The following FKRP variants were observed in gnomAD, a reference collection of about 807,000 sequenced individuals.
The protein encoded by FKRP is ribitol 5-phosphate transferase FKRP.
FKRP carries 25 observed loss-of-function variants against 30.6 expected under a neutral mutation model. That is an observed-to-expected ratio of 0.82 (90% confidence interval 0.60 to 1.14). The LOEUF is 1.14. FKRP is among the 50% of genes most tolerant of loss of function. The pLI, the probability that FKRP is intolerant of heterozygous loss-of-function variation, is 0.00. For missense variants in FKRP, 771 were observed against 727.8 expected (o/e 1.06, Z -0.68); for synonymous variants, 358 against 342.5 (o/e 1.05, Z -0.50).
intron 3 of FKRP, 121 bp downstream of exon 3, chr19:46,748,786 G>A (rs993087914): frequency 6.6e-6 from 1 of 152,326 alleles, no homozygotes; most frequent in Non-Finnish European, 1.5e-5. Flanking sequence ...GTCTCACCCA[G>A]GCTAGAGTGA....
chr19:46,756,161 CTT>C lies in FKRP; in HGVS notation c.712_713del (p.Leu238AspfsTer20). On this transcript the variant is annotated frameshift_variant, in exon 4 of 4. Transcript: ENST00000318584. LOFTEE classifies it high-confidence loss of function. This position sits in a 1 kb window ranked among gnomAD's most constrained non-coding sequence, Gnocchi z 6.6. ...LRGWAVQLLD[L>X]TFAAARQPPL... is the part of the protein sequence containing the mutation. Reference sequence around the variant, plus strand: ...GCGGCTGGGCGGTGCAGCTGCTGGACTTGACCTTCGCCGCGGCGCGCCAGCCC... The same window carrying C: ...GCGGCTGGGCGGTGCAGCTGCTGGACGACCTTCGCCGCGGCGCGCCAGCCC... 1.4e-6 allele frequency: 2 copies of C among 1,460,896 alleles called. No individual in the cohort carries two copies. Among genetic ancestry groups the C allele is most frequent in the Non-Finnish European group, 1.8e-6 (2 of 1,113,838 alleles). The allele number at this position is 1,460,896 out of a possible 1,614,324, so 90.5% of individuals were successfully genotyped here. A position where few individuals can be genotyped will look rare whatever the true frequency, so the allele number is the denominator to read the frequency against.
intron 2 of FKRP, among the ~76,000 whole-genome samples, chr19:46,748,294 C>T (rs2054710825): frequency 6.6e-6 from 1 of 152,152 alleles, no homozygotes; most frequent in African/African-American, 2.4e-5. Context: ...TCTCCTGCCT[C>T]AGCCTCCCGA....
chr19:46,757,365 A>C lies in FKRP; in HGVS notation c.*427A>C. ...CTGGAGCCAGACTGGCGAGATTCAA[A>C]TCCTGGCTCTATCGCTTCGGAGCCA... On this transcript the variant is annotated 3_prime_UTR_variant, in exon 4 of 4. Coordinates refer to ENST00000318584, the MANE Select transcript of FKRP (RefSeq NM_024301.5). 9.5e-6 allele frequency: 2 copies of C among 211,120 alleles called. No homozygotes were observed. The highest frequency in any genetic ancestry group is 2.2e-5 in the Non-Finnish European group (2 of 92,746). 13.1% of individuals were successfully genotyped at this position (211,120 alleles called of 1,614,324 possible). A position where few individuals can be genotyped will look rare whatever the true frequency, so the allele number is the denominator to read the frequency against.
chr19:46,755,554 G>C lies in FKRP; in HGVS notation c.104G>C (p.Arg35Pro), dbSNP rs754088436. 6.2e-7 allele frequency: 1 copy of C among 1,606,328 alleles called. No individual in the cohort carries two copies. Among genetic ancestry groups the C allele is most frequent in the Non-Finnish European group, 8.5e-7 (1 of 1,176,842 alleles). ...CTGCAGCACCAGCCTAGGAATTCCCGGGCCCGGGGGCCCCGTCGTGCCTCT... is the reference window on the plus strand; with the variant it reads ...CTGCAGCACCAGCCTAGGAATTCCCCGGCCCGGGGGCCCCGTCGTGCCTCT... ...SWLQHQPRNS[R>P]ARGPRRASAA... Residue 35 changes from arginine to proline, a missense_variant, in exon 4 of 4, where the codon CGG (arginine) becomes CCG (proline). Transcript: ENST00000318584.
Position 46,757,173 on chromosome 19 carries a change from A to G in FKRP, c.*235A>G, listed in dbSNP as rs920322240. Reference sequence around the variant, plus strand: ...TGGTCATGCCCACTGGGAGCCGTGGATATGCGTGGGGACATCCTGGGTCAT... The same window carrying G: ...TGGTCATGCCCACTGGGAGCCGTGGGTATGCGTGGGGACATCCTGGGTCAT... On this transcript the variant is annotated 3_prime_UTR_variant, in exon 4 of 4. Coordinates refer to ENST00000318584, the MANE Select transcript of FKRP (RefSeq NM_024301.5). The G allele has an allele frequency of 9.5e-6, 6 of 628,542 alleles. No homozygotes were observed. The highest frequency in any genetic ancestry group is 1.4e-5 in the Non-Finnish European group (5 of 346,670). 38.9% of individuals were successfully genotyped at this position (628,542 alleles called of 1,614,324 possible). A position where few individuals can be genotyped will look rare whatever the true frequency, so the allele number is the denominator to read the frequency against.
upstream of FKRP, chr19:46,746,031 G>GCC (rs1272490498): frequency 3.2e-5 from 37 of 1,142,472 alleles, no homozygotes; most frequent in South Asian, 2.2e-4. Context: ...GTCCCCTCCC[G>GCC]CCCCCCCGCC....
intron 3 of FKRP, among the ~76,000 whole-genome samples, chr19:46,750,811 G>A (rs2054776403): frequency 1.3e-5 from 2 of 151,878 alleles, no homozygotes. Flanking sequence ...TTACAGGAGT[G>A]AGCCCCCATA....
In FKRP at chr19:46,755,735, C is replaced by A; in HGVS notation, c.285C>A (p.Arg95=). 1 of 1,567,050 alleles carries A rather than the reference C, an allele frequency of 6.4e-7. No individual in the cohort carries two copies. Among genetic ancestry groups the A allele is most frequent in the Non-Finnish European group, 8.6e-7 (1 of 1,163,724 alleles). Reference sequence around the variant, plus strand: ...CCTACCCGCCCCTGGCCCTGCCCCGCATCCCCAACGTGCGTCTGGCGCTGC... The same window carrying A: ...CCTACCCGCCCCTGGCCCTGCCCCGAATCCCCAACGTGCGTCTGGCGCTGC... ...TLPYPPLALP[R]IPNVRLALLQ... The change falls in exon 4 of 4, where the codon CGC becomes CGA. Residue 95 remains arginine (R), a synonymous_variant. Coordinates refer to ENST00000318584, the MANE Select transcript of FKRP (RefSeq NM_024301.5).
In FKRP at chr19:46,756,354, G is replaced by A. The variant is rs762283381; in HGVS notation, c.904G>A (p.Gly302Ser). The A allele has an allele frequency of 9.8e-5, 153 of 1,559,206 alleles. No homozygotes were observed. In the African/African-American group the frequency reaches 1.9e-3, roughly 19 times the overall value. Residue 302 changes from glycine (G) to serine (S), a missense_variant, in exon 4 of 4, where the codon GGC (glycine) becomes AGC (serine). Gly to Ser is a moderately conservative substitution (Grantham distance 56). Transcript: ENST00000318584. The surrounding 1 kb of genome is among the most constrained non-coding windows in gnomAD (Gnocchi z 6.6). Reference sequence around the variant, plus strand: ...CACGCGCTGCTTCGGAACCGTGGTGGGCGACACGCCCGCCTACCTCTACGA... The same window carrying A: ...CACGCGCTGCTTCGGAACCGTGGTGAGCGACACGCCCGCCTACCTCTACGA... Reference protein sequence around the residue: ...ETTRCFGTVVGDTPAYLYEER... With the variant: ...ETTRCFGTVVSDTPAYLYEER...
chr19:46,745,916 C>CG (rs2054583593), upstream of FKRP: 1 of 419,750 alleles, frequency 2.4e-6, no homozygotes, highest in South Asian at 5.6e-5. Context: ...CTCCCACCCC[C>CG]GGTCCCTCCA....
upstream of FKRP, among the ~76,000 whole-genome samples, chr19:46,744,839 C>A (rs111476621): frequency 6.6e-6 from 1 of 151,956 alleles, no homozygotes; most frequent in African/African-American, 2.4e-5. Context: ...AGACTTCCAG[C>A]GGGCCATTCC....
intron 3 of FKRP, among the ~76,000 whole-genome samples, chr19:46,754,668 G>C (rs1192312835): frequency 6.6e-6 from 1 of 151,866 alleles, no homozygotes; most frequent in Non-Finnish European, 1.5e-5. Context: ...GTGCAATGGT[G>C]CCATCTCCGC....
At chr19:46,750,176 T>C (rs2054763733) in intron 3 of FKRP, among the ~76,000 whole-genome samples, 2 of 152,230 alleles carry the variant, frequency 1.3e-5, no homozygotes, top group South Asian at 2.1e-4. Context: ...AAAATCATCA[T>C]TGTATCCACT....
chr19:46,749,408 C>CTTTTTT (rs34544320), intron 3 of FKRP, among the ~76,000 whole-genome samples: 4 of 114,850 alleles, frequency 3.5e-5, no homozygotes, highest in Non-Finnish European at 3.5e-5. Flanking sequence ...CCTTTGTTTC[C>CTTTTTT]TTTTTTTTTT....
Position 46,755,926 on chromosome 19 carries a change from C to T in FKRP, c.476C>T (p.Pro159Leu). ...GGAAGCGCACGTCTGGTGGCCGCCC[C>T]GGTTGCCACGGCCAACCCTGCCAGG... ...RAGSARLVAAPVATANPARCL... is the reference protein window; with the variant it reads ...RAGSARLVAALVATANPARCL... The change falls in exon 4 of 4, where the codon CCG (proline) becomes CTG (leucine). Residue 159 changes from proline to leucine, a missense_variant. Coordinates refer to ENST00000318584, the MANE Select transcript of FKRP (RefSeq NM_024301.5). The T allele has an allele frequency of 6.5e-7, 1 of 1,530,058 alleles. No homozygotes were observed. Among genetic ancestry groups the T allele is most frequent in the Non-Finnish European group, 8.7e-7 (1 of 1,143,836 alleles). The allele number at this position is 1,530,058 out of a possible 1,614,324, so 94.8% of individuals were successfully genotyped here. A position where few individuals can be genotyped will look rare whatever the true frequency, so the allele number is the denominator to read the frequency against.
intron 3 of FKRP, chr19:46,754,363 T>C (rs553810860): frequency 1.4e-5 from 2 of 146,098 alleles, no homozygotes; most frequent in African/African-American, 5.1e-5. Context: ...TTTTCTTTTT[T>C]TTTTTTAATT....
upstream of FKRP, among the ~76,000 whole-genome samples, chr19:46,745,118 G>A (rs2054554390): frequency 6.9e-6 from 1 of 144,800 alleles, no homozygotes; most frequent in East Asian, 2.0e-4. Context: ...CATCACCCCA[G>A]GGTAACCCCT....
upstream of FKRP, among the ~76,000 whole-genome samples, chr19:46,745,482 A>T (rs1269072407): frequency 1.3e-5 from 2 of 150,848 alleles, no homozygotes; most frequent in African/African-American, 4.9e-5. Context: ...GTCCTTACAC[A>T]GCCCTCCTTC....
In FKRP at chr19:46,755,556, G is replaced by T. The variant is rs1412050261; in HGVS notation, c.106G>T (p.Ala36Ser). The T allele has an allele frequency of 1.2e-6, 2 of 1,606,792 alleles. No homozygotes were observed. The highest frequency in any genetic ancestry group is 1.3e-5 in the African/African-American group (1 of 74,780). ...WLQHQPRNSR[A>S]RGPRRASAAG... is the part of the protein sequence containing the mutation. ...GCAGCACCAGCCTAGGAATTCCCGG[G>T]CCCGGGGGCCCCGTCGTGCCTCTGC... Residue 36 changes from alanine (A) to serine (S), a missense_variant, in exon 4 of 4, where the codon GCC becomes TCC. Coordinates refer to ENST00000318584, the MANE Select transcript of FKRP (RefSeq NM_024301.5).
Sources: gnomAD v4.1 joint callset for allele counts (sites outside exome capture counted in the v4.1 genomes callset) on GRCh38, gnomAD v4.1.1 for gene constraint, Gnocchi (gnomAD v3.1) non-coding constraint, MANE v1.5 for transcripts, NCBI Gene and HGNC (gene_info 2026-07-23, HGNC 2026-07-21) for gene names.